The following GABRG1 variants were observed in gnomAD, a reference collection of about 807,000 sequenced individuals.
GABRG1 encodes gamma-aminobutyric acid receptor subunit gamma-1.
In GABRG1, 49 loss-of-function variants were observed where a neutral mutation model predicts 49.8. That is an observed-to-expected ratio of 0.98 (90% CI 0.78 to 1.25). GABRG1 has a LOEUF of 1.25. GABRG1 is among the 50% of genes most tolerant of loss of function. The pLI, the probability that GABRG1 is intolerant of heterozygous loss-of-function variation, is 0.00. For synonymous variants in GABRG1, 232 were observed against 185.1 expected, an observed-to-expected ratio of 1.25 and a Z score of -2.06; for missense variants, 552 against 552.3, an observed-to-expected ratio of 1.00 and a Z score of 0.01.
At chr4:46,049,130 G>A (rs1230805884) in intron 8 of GABRG1, among the ~76,000 whole-genome samples, 2 of 151,844 alleles carry the variant, frequency 1.3e-5, no homozygotes, top group Non-Finnish European at 2.9e-5. Flanking sequence ...AAAGAGGAAA[G>A]GAGAGAGAAA....
intron 1 of GABRG1, among the ~76,000 whole-genome samples, chr4:46,100,493 A>G (rs1226540715): frequency 1.3e-5 from 2 of 151,438 alleles, no homozygotes; most frequent in East Asian, 2.0e-4. Flanking sequence ...AAAATACTGA[A>G]GTATTAAGAA....
At chr4:46,061,824 T>TA (rs1718700357) in intron 5 of GABRG1, among the ~76,000 whole-genome samples, 2 of 151,340 alleles carry the variant, frequency 1.3e-5, no homozygotes, top group South Asian at 4.2e-4. Flanking sequence ...ATTTTTTTTT[T>TA]TTTGGTTTTG....
chr4:46,110,866 A>T (rs563985797), intron 1 of GABRG1, among the ~76,000 whole-genome samples: 7 of 151,276 alleles, frequency 4.6e-5, no homozygotes, highest in African/African-American at 1.7e-4. Context: ...AATAAGAGTC[A>T]TCTATGACAA....
At chr4:46,068,446 T>G (rs2109411328) in intron 3 of GABRG1, among the ~76,000 whole-genome samples, 1 of 152,236 alleles carries the variant, frequency 6.6e-6, no homozygotes, top group Non-Finnish European at 1.5e-5. Context: ...TGCAGGACCT[T>G]CTTTAAAATC....
chr4:46,067,715 C>A (rs1253441991), intron 3 of GABRG1, among the ~76,000 whole-genome samples: 1 of 152,106 alleles, frequency 6.6e-6, no homozygotes, highest in Non-Finnish European at 1.5e-5. Context: ...AATCTGATAG[C>A]CACACCCTTG....
At chr4:46,120,614 T>C (rs890619159) in intron 1 of GABRG1, among the ~76,000 whole-genome samples, 1 of 151,788 alleles carries the variant, frequency 6.6e-6, no homozygotes, top group Non-Finnish European at 1.5e-5. Context: ...TCATCAACAT[T>C]TTATTACAAA....
Position 46,123,808 on chromosome 4 carries a change from A to G in GABRG1, c.104+2T>C, listed in dbSNP as rs1721170113. ...TAGTTTTAAACCCCTGAATTTACTCACCAGTTTCCCAAATGCAGGGTCAGT... is the reference window on the plus strand; with the variant it reads ...TAGTTTTAAACCCCTGAATTTACTCGCCAGTTTCCCAAATGCAGGGTCAGT... On this transcript the variant is annotated splice_donor_variant, in intron 1 of 8. Transcript: ENST00000295452. LOFTEE classifies it high-confidence loss of function. 30 of 1,609,202 alleles carry G rather than the reference A, an allele frequency of 1.9e-5. No individual in the cohort carries two copies. The highest frequency in any genetic ancestry group is 2.6e-5 in the Non-Finnish European group (30 of 1,175,818).
intron 2 of GABRG1, among the ~76,000 whole-genome samples, chr4:46,087,527 A>G (rs1577656822): frequency 6.6e-6 from 1 of 151,812 alleles, no homozygotes; most frequent in Non-Finnish European, 1.5e-5. Context: ...AAAAGTCAGG[A>G]GGAGATAAAT....
chr4:46,056,138 T>TAAAAAAAA (rs1473383568), intron 7 of GABRG1, among the ~76,000 whole-genome samples: 3 of 7,886 alleles, frequency 3.8e-4, no homozygotes, highest in Non-Finnish European at 6.1e-4. Context: ...AAAAAAAAAA[T>TAAAAAAAA]AAATAAATAA....
chr4:46,046,681 CA>C (rs986104633), intron 8 of GABRG1, among the ~76,000 whole-genome samples: 42 of 152,070 alleles, frequency 2.8e-4, no homozygotes, highest in Middle Eastern at 3.4e-3. Context: ...GAGGCGGTGC[CA>C]GGGGGGACCC....
intron 3 of GABRG1, among the ~76,000 whole-genome samples, chr4:46,074,969 C>T (rs1210932375): frequency 6.6e-6 from 1 of 151,982 alleles, no homozygotes; most frequent in Non-Finnish European, 1.5e-5. Context: ...GTCACTTATA[C>T]ACTCTTATTG....
chr4:46,080,472 ATTTG>A (rs1384352918), intron 3 of GABRG1, among the ~76,000 whole-genome samples: 2 of 151,680 alleles, frequency 1.3e-5, no homozygotes, highest in Admixed American at 1.3e-4. Context: ...GGGTTCTTTT[ATTTG>A]TTTATTTTCA....
At chr4:46,070,591 C>T (rs1719081163) in intron 3 of GABRG1, among the ~76,000 whole-genome samples, 1 of 151,864 alleles carries the variant, frequency 6.6e-6, no homozygotes, top group Admixed American at 6.6e-5. Context: ...GAAACACAGC[C>T]AACGGGATAA....
At chr4:46,069,761 T>C (rs1325903527) in intron 3 of GABRG1, among the ~76,000 whole-genome samples, 2 of 152,082 alleles carry the variant, frequency 1.3e-5, no homozygotes, top group Non-Finnish European at 2.9e-5. Flanking sequence ...GTACTTGGTT[T>C]ACAAAGACGA....
intron 2 of GABRG1, among the ~76,000 whole-genome samples, chr4:46,086,184 T>C (rs548605023): frequency 3.3e-5 from 5 of 151,694 alleles, no homozygotes; most frequent in Admixed American, 1.3e-4. Flanking sequence ...AGGATATAAG[T>C]AGATATTCTC....
chr4:46,040,458 T>G lies in GABRG1; in HGVS notation c.*530A>C, dbSNP rs1717726184. The G allele has an allele frequency of 6.6e-6, 1 of 152,416 alleles. No homozygotes were observed. Among genetic ancestry groups the G allele is most frequent in the Admixed American group, 6.6e-5 (1 of 15,182 alleles). 9.4% of individuals were successfully genotyped at this position (152,416 alleles called of 1,614,324 possible). A position where few individuals can be genotyped will look rare whatever the true frequency, so the allele number is the denominator to read the frequency against. On this transcript the variant is annotated 3_prime_UTR_variant, in exon 9 of 9. Coordinates refer to ENST00000295452, the MANE Select transcript of GABRG1 (RefSeq NM_173536.4). Reference sequence around the variant, plus strand: ...AGTTTAAAAATAAATCAATTTCTTCTTGGGAATACAATATCTTGGAAGAAA... The same window carrying G: ...AGTTTAAAAATAAATCAATTTCTTCGTGGGAATACAATATCTTGGAAGAAA...
chr4:46,061,480 G>A (rs552563087), intron 5 of GABRG1, among the ~76,000 whole-genome samples: 37 of 152,084 alleles, frequency 2.4e-4, no homozygotes, highest in Middle Eastern at 3.4e-3. Context: ...AAAGAAAATA[G>A]CATTAGACAA....
intron 3 of GABRG1, among the ~76,000 whole-genome samples, chr4:46,079,882 C>T (rs1190660756): frequency 6.6e-6 from 1 of 151,732 alleles, no homozygotes; most frequent in East Asian, 1.9e-4. Context: ...GAGGTTATAA[C>T]CATTTTGTCT....
chr4:46,089,365 A>G (rs978132269), intron 2 of GABRG1, among the ~76,000 whole-genome samples: 1 of 152,118 alleles, frequency 6.6e-6, no homozygotes, highest in African/African-American at 2.4e-5. Flanking sequence ...AGTAACAAGT[A>G]ACAAGACTAA....
Sources: gnomAD v4.1 joint callset for allele counts (sites outside exome capture counted in the v4.1 genomes callset) on GRCh38, gnomAD v4.1.1 for gene constraint, MANE v1.5 for transcripts, NCBI Gene and HGNC (gene_info 2026-07-23, HGNC 2026-07-21) for gene names.